CACNA1C: variants seen among roughly 807,000 people sequenced by gnomAD.
CACNA1C encodes the protein voltage-dependent L-type calcium channel subunit alpha-1C.
A neutral mutation model predicts 229.0 loss-of-function variants in CACNA1C; 30 were observed. That is an observed-to-expected ratio of 0.13 (90% CI 0.10 to 0.18). The LOEUF is 0.18. Among genes scored for constraint, CACNA1C ranks in the 10% least tolerant of loss-of-function variants. CACNA1C has a pLI of 1.00. For synonymous variants in CACNA1C, 1,114 were observed against 1,132.5 expected (o/e 0.98, Z 0.33); for missense variants, 1,658 against 2,845.0 (o/e 0.58, Z 9.49).
At chr12:2,106,700 C>G (rs2078901189) in intron 1 of CACNA1C, among the ~76,000 whole-genome samples, 1 of 112,298 alleles carries the variant, frequency 8.9e-6, no homozygotes. Flanking sequence ...GGCGCCCACC[C>G]CGGGGAGGGT....
chr12:2,417,874 G>A (rs1457500802), intron 3 of CACNA1C, among the ~76,000 whole-genome samples: 2 of 152,078 alleles, frequency 1.3e-5, no homozygotes, highest in African/African-American at 4.8e-5. Flanking sequence ...CACAGGAATG[G>A]CAAGGGGGGC....
intron 9 of CACNA1C, among the ~76,000 whole-genome samples, chr12:2,534,600 C>A (rs2099848833): frequency 6.6e-6 from 1 of 152,188 alleles, no homozygotes; most frequent in East Asian, 1.9e-4. Context: ...ACCTCCCCCA[C>A]CCCTGCAGCA....
At chr12:2,090,444 A>C (rs1013974080) in intron 1 of CACNA1C, among the ~76,000 whole-genome samples, 22 of 148,324 alleles carry the variant, frequency 1.5e-4, no homozygotes, top group South Asian at 2.1e-4. Flanking sequence ...CAGCCTCCTG[A>C]GTAGCTGGGA....
chr12:2,329,912 A>G (rs1017091185), intron 3 of CACNA1C, among the ~76,000 whole-genome samples: 11 of 152,226 alleles, frequency 7.2e-5, no homozygotes, highest in African/African-American at 2.7e-4. Flanking sequence ...CAGGAGGATT[A>G]GAGGTCTGTT....
chr12:2,245,819 G>A (rs939859160), intron 3 of CACNA1C, among the ~76,000 whole-genome samples: 5 of 152,274 alleles, frequency 3.3e-5, no homozygotes, highest in Admixed American at 2.0e-4. Flanking sequence ...GCAGAAATAC[G>A]TTGGCTTCTG....
chr12:2,129,295 T>G (rs1030818458), intron 3 of CACNA1C, among the ~76,000 whole-genome samples: 2 of 152,226 alleles, frequency 1.3e-5, no homozygotes, highest in African/African-American at 4.8e-5. Context: ...GATGGGTCTG[T>G]GCTTCATCTC....
intron 3 of CACNA1C, among the ~76,000 whole-genome samples, chr12:2,211,850 C>G (rs2097927067): frequency 6.6e-6 from 1 of 151,640 alleles, no homozygotes; most frequent in Admixed American, 6.6e-5. Flanking sequence ...TCCCGAGTAG[C>G]TGGGACTCCA....
rs117505557 is a variant in CACNA1C at position 2,203,928 on chromosome 12, C to T, written c.477+83498C>T. On this transcript the variant is annotated intron_variant, in intron 3 of 46. Transcript: ENST00000399655. ...CACAGGTCTTTGCTGCGTGTGATTT[C>T]TGCCCCTTCATGGGGGACCAGGAGG... Among the ~76,000 whole-genome samples the T allele has an allele frequency of 6.2e-3, 945 of 152,364 alleles. 2 individuals carry two copies. Among genetic ancestry groups the T allele is most frequent in the Middle Eastern group, 0.017 (5 of 294 alleles).
intron 5 of CACNA1C, among the ~76,000 whole-genome samples, chr12:2,477,475 C>A (rs922292141): frequency 6.6e-6 from 1 of 152,168 alleles, no homozygotes; most frequent in African/African-American, 2.4e-5. Flanking sequence ...GTCTTATCTG[C>A]GAGTCATCCT....
chr12:2,069,423 G>A (rs1205355302), intron 1 of CACNA1C, among the ~76,000 whole-genome samples: 1 of 152,210 alleles, frequency 6.6e-6, no homozygotes, highest in African/African-American at 2.4e-5. Context: ...GGGTGTGCCT[G>A]TACGTGTGTG....
intron 3 of CACNA1C, among the ~76,000 whole-genome samples, chr12:2,440,909 T>C (rs2099218196): frequency 6.6e-6 from 1 of 152,202 alleles, no homozygotes; most frequent in African/African-American, 2.4e-5. Context: ...GAAGTATTTG[T>C]GGCGTGCTGG....
intron 1 of CACNA1C, among the ~76,000 whole-genome samples, chr12:2,113,711 C>T (rs1305148342): frequency 1.3e-5 from 2 of 152,168 alleles, no homozygotes; most frequent in Admixed American, 6.5e-5. Flanking sequence ...AATTGACTAG[C>T]GGTACCACGT....
At chr12:2,499,469 G>A (rs1359919812) in intron 7 of CACNA1C, among the ~76,000 whole-genome samples, 1 of 152,222 alleles carries the variant, frequency 6.6e-6, no homozygotes, top group Non-Finnish European at 1.5e-5. Flanking sequence ...CTCGAGGAGA[G>A]GGGCTAGGGA....
Position 2,137,693 on chromosome 12 carries a change from T to G in CACNA1C, c.477+17263T>G, listed in dbSNP as rs188669024. On this transcript the variant is annotated intron_variant, in intron 3 of 46. Transcript: ENST00000399655. Reference sequence around the variant, plus strand: ...ATATTTGTCTCTAAAATACTTACTGTTTTTTTTTTTCTGGCACATTCCTCT... The same window carrying G: ...ATATTTGTCTCTAAAATACTTACTGGTTTTTTTTTTCTGGCACATTCCTCT... Among the ~76,000 whole-genome samples the G allele has an allele frequency of 7.1e-3, 1,034 of 146,470 alleles. 43 individuals are homozygous for G. Among genetic ancestry groups the G allele is most frequent in the Middle Eastern group, 0.025 (7 of 284 alleles).
At chr12:2,318,958 C>T (rs995731751) in intron 3 of CACNA1C, among the ~76,000 whole-genome samples, 5 of 151,370 alleles carry the variant, frequency 3.3e-5, no homozygotes, top group African/African-American at 1.2e-4. Flanking sequence ...GGGAGGGAGG[C>T]CTACTCCTCT....
intron 7 of CACNA1C, among the ~76,000 whole-genome samples, chr12:2,502,060 G>A (rs1016572313): frequency 1.3e-5 from 2 of 152,216 alleles, no homozygotes; most frequent in African/African-American, 4.8e-5. Flanking sequence ...GGTTGACACA[G>A]GCCTGCTGAG....
chr12:2,664,289 G>T (rs2095948495), intron 34 of CACNA1C, among the ~76,000 whole-genome samples: 1 of 152,138 alleles, frequency 6.6e-6, no homozygotes, highest in East Asian at 1.9e-4. Context: ...CTGGTAATAG[G>T]AGTCTAAGTT....
chr12:2,177,634 C>CTCTTTCTTCCTTTCTTTCTT (rs2096707954), intron 3 of CACNA1C, among the ~76,000 whole-genome samples: 1 of 112,876 alleles, frequency 8.9e-6, no homozygotes, highest in Admixed American at 1.0e-4. Context: ...CCTTCTCTCT[C>CTCTTTCTTCCTTTCTTTCTT]TCTTTCTTTC....
intron 30 of CACNA1C, among the ~76,000 whole-genome samples, chr12:2,638,342 T>C (rs908681855): frequency 1.1e-4 from 17 of 152,108 alleles, no homozygotes; most frequent in African/African-American, 4.1e-4. Flanking sequence ...ATTCTCCATG[T>C]GGAGATCGGG....
Sources: allele counts gnomAD v4.1 joint callset (sites outside exome capture counted in the v4.1 genomes callset), GRCh38; gene constraint gnomAD v4.1.1; transcripts MANE v1.5; gene names NCBI Gene and HGNC (gene_info 2026-07-23, HGNC 2026-07-21).